The following STXBP6 variants were observed in gnomAD, a reference collection of about 807,000 sequenced individuals.
STXBP6 encodes the protein syntaxin-binding protein 6.
In STXBP6, 21 loss-of-function variants were observed where a neutral mutation model predicts 26.9. The observed-to-expected ratio is 0.78, with a 90% CI of 0.55 to 1.12. The LOEUF (loss-of-function observed/expected upper bound fraction) is 1.12, where lower values mean the gene tolerates loss of function less well. Among genes scored for constraint, STXBP6 ranks in the 50% most tolerant of loss-of-function variants. The probability of loss-of-function intolerance (pLI) is 0.00; values close to 1 mark genes in which losing one functional copy is unlikely to be tolerated. For synonymous variants in STXBP6, 97 were observed against 92.6 expected (o/e 1.05, Z -0.27); for missense variants, 232 against 257.9 (o/e 0.90, Z 0.69).
At chr14:24,975,555 A>G (rs2074023059) in intron 1 of STXBP6, among the ~76,000 whole-genome samples, 1 of 152,122 alleles carries the variant, frequency 6.6e-6, no homozygotes, top group South Asian at 2.1e-4. Flanking sequence ...CTAAAAACAT[A>G]TCTGACTAAT....
At chr14:24,924,888 C>T (rs576224674) in intron 2 of STXBP6, among the ~76,000 whole-genome samples, 17 of 152,300 alleles carry the variant, frequency 1.1e-4, no homozygotes, top group African/African-American at 4.1e-4. Context: ...CCAAAGGAAG[C>T]AATACCTGCG....
intron 1 of STXBP6, among the ~76,000 whole-genome samples, chr14:25,035,729 G>A (rs1389326473): frequency 1.3e-5 from 2 of 151,976 alleles, no homozygotes; most frequent in East Asian, 3.9e-4. Flanking sequence ...ATGTGAAAAT[G>A]AACAAAATAA....
chr14:24,872,316 C>T (rs1265112986), intron 2 of STXBP6, among the ~76,000 whole-genome samples: 1 of 152,080 alleles, frequency 6.6e-6, no homozygotes, highest in Non-Finnish European at 1.5e-5. Flanking sequence ...ATTGGCAAAT[C>T]AGGAATTACA....
Position 24,940,669 on chromosome 14 carries a change from G to A in STXBP6, c.154+33996C>T, listed in dbSNP as rs144404098. Among the ~76,000 whole-genome samples, 54 of 152,086 alleles carry A rather than the reference G, an allele frequency of 3.6e-4. No individual in the cohort carries two copies. In the East Asian group the frequency reaches 8.9e-3, roughly 25 times the overall value. ...CAATCATCTTCCTCCCTGACTCCAC[G>A]GCAACTTCCCCCACTCTACTCTACC... On this transcript the variant is annotated intron_variant, in intron 2 of 5. Coordinates refer to ENST00000323944, the MANE Select transcript of STXBP6 (RefSeq NM_001394410.1).
chr14:24,853,733 C>T (rs933743695), intron 4 of STXBP6, among the ~76,000 whole-genome samples: 1 of 152,066 alleles, frequency 6.6e-6, no homozygotes, highest in Non-Finnish European at 1.5e-5. Flanking sequence ...TTTCTTACTA[C>T]AGGAAACCAA....
At chr14:24,966,189 T>G (rs182381462) in intron 2 of STXBP6, among the ~76,000 whole-genome samples, 48 of 152,288 alleles carry the variant, frequency 3.2e-4, no homozygotes, top group Admixed American at 6.5e-4. Flanking sequence ...CTTGTTTCCA[T>G]CTGGTTTTAG....
chr14:24,816,348 T>A (rs1232610714), intron 5 of STXBP6: 1 of 152,248 alleles, frequency 6.6e-6, no homozygotes, highest in East Asian at 1.9e-4. Context: ...GGTCAGCCTA[T>A]GCTAGCAGGT....
intron 2 of STXBP6, among the ~76,000 whole-genome samples, chr14:24,972,935 A>G (rs2073942286): frequency 6.6e-6 from 1 of 152,164 alleles, no homozygotes; most frequent in Admixed American, 6.5e-5. Flanking sequence ...TAGGCAACAG[A>G]GTGAGAACTC....
chr14:24,894,257 T>G (rs930766886), intron 2 of STXBP6, among the ~76,000 whole-genome samples: 3 of 152,172 alleles, frequency 2.0e-5, no homozygotes, highest in Non-Finnish European at 4.4e-5. Context: ...AATAAACCAG[T>G]GTAAAATGAT....
intron 1 of STXBP6, among the ~76,000 whole-genome samples, chr14:25,031,225 G>A (rs900437647): frequency 1.3e-5 from 2 of 152,160 alleles, no homozygotes; most frequent in Admixed American, 1.3e-4. Context: ...ACTTCTAAGA[G>A]AGAATGACCT....
intron 4 of STXBP6, among the ~76,000 whole-genome samples, chr14:24,831,803 G>C (rs948239100): frequency 2.0e-5 from 3 of 152,146 alleles, no homozygotes; most frequent in African/African-American, 7.2e-5. Flanking sequence ...AGTGCAGCAT[G>C]ATTTGCTCAT....
At chr14:25,009,165 A>G (rs1403018940) in intron 1 of STXBP6, among the ~76,000 whole-genome samples, 1 of 152,188 alleles carries the variant, frequency 6.6e-6, no homozygotes, top group Non-Finnish European at 1.5e-5. Context: ...CAACTATCGA[A>G]CTGTATTATA....
intron 1 of STXBP6, among the ~76,000 whole-genome samples, chr14:25,004,169 G>A (rs895548809): frequency 6.6e-6 from 1 of 152,278 alleles, no homozygotes; most frequent in Non-Finnish European, 1.5e-5. Flanking sequence ...ATTCTAACTT[G>A]AAATACAGTG....
chr14:24,887,634 C>A (rs2070638750), intron 2 of STXBP6, among the ~76,000 whole-genome samples: 1 of 152,254 alleles, frequency 6.6e-6, no homozygotes, highest in Admixed American at 6.5e-5. Flanking sequence ...TGAACTCAGG[C>A]AAATCATTTC....
In STXBP6 at chr14:25,036,207, A is replaced by G. The variant is rs199687196; in HGVS notation, c.-33+13671T>C. 7.2e-5 allele frequency among the ~76,000 whole-genome samples: 9 copies of G among 125,386 alleles called. No homozygotes were observed. The East Asian group carries it at 1.8e-3, about 26-fold the overall frequency. The allele number at this position is 125,386 out of a possible 152,430, so 82.3% of individuals were successfully genotyped here. A position where few individuals can be genotyped will look rare whatever the true frequency, so the allele number is the denominator to read the frequency against. On this transcript the variant is annotated intron_variant, in intron 1 of 5. Transcript: ENST00000323944. ...ACTCCAGCCTAGGCAACAGAGCAAG[A>G]CTCCATCAAAAAAAAAAAAAAAAAA...
At chr14:24,850,726 G>C (rs1167740435) in intron 4 of STXBP6, among the ~76,000 whole-genome samples, 1 of 152,048 alleles carries the variant, frequency 6.6e-6, no homozygotes, top group Non-Finnish European at 1.5e-5. Flanking sequence ...TGTGTGACTG[G>C]ATCTCCACAG....
At chr14:24,993,810 T>C (rs972210683) in intron 1 of STXBP6, among the ~76,000 whole-genome samples, 9 of 152,168 alleles carry the variant, frequency 5.9e-5, no homozygotes, top group African/African-American at 2.2e-4. Context: ...TGTACCAGCC[T>C]TGGACCCTCC....
At chr14:24,968,818 T>C (rs2073813837) in intron 2 of STXBP6, among the ~76,000 whole-genome samples, 1 of 152,104 alleles carries the variant, frequency 6.6e-6, no homozygotes, top group African/African-American at 2.4e-5. Flanking sequence ...AAATTGAGTA[T>C]CAAAAATATA....
At chr14:24,945,306 C>T (rs577924976) in intron 2 of STXBP6, among the ~76,000 whole-genome samples, 16 of 151,826 alleles carry the variant, frequency 1.1e-4, no homozygotes, top group Non-Finnish European at 1.8e-4. Flanking sequence ...ACACTACACA[C>T]GGTGGCTCAC....
Sources: gnomAD v4.1 joint callset for allele counts (sites outside exome capture counted in the v4.1 genomes callset) on GRCh38, gnomAD v4.1.1 for gene constraint, MANE v1.5 for transcripts, NCBI Gene and HGNC (gene_info 2026-07-23, HGNC 2026-07-21) for gene names.